HELLS: variants seen among roughly 807,000 people sequenced by gnomAD.
HELLS encodes the protein lymphoid-specific helicase.
In HELLS, 32 loss-of-function variants were observed where a neutral mutation model predicts 120.0. That is an observed-to-expected ratio of 0.27 (90% CI 0.20 to 0.36). HELLS has a LOEUF of 0.36. Ranked by LOEUF, HELLS falls within the 10% of genes least tolerant of loss-of-function variation. The pLI, the probability that HELLS is intolerant of heterozygous loss-of-function variation, is 1.00. For synonymous variants in HELLS, 341 were observed against 323.4 expected (o/e 1.05, Z -0.58); for missense variants, 650 against 993.4 (o/e 0.65, Z 4.65).
At chr10:94,583,695 TTCTG>T (rs745884195) in intron 12 of HELLS, among the ~76,000 whole-genome samples, 9 of 152,194 alleles carry the variant, frequency 5.9e-5, no homozygotes, top group East Asian at 1.9e-4. Context: ...CCAAACTCTT[TTCTG>T]TCTTTGTGTA....
At chr10:94,602,221 A>G (rs1311001683), downstream of HELLS, 1 of 152,112 alleles carries the variant, frequency 6.6e-6, no homozygotes, top group African/African-American at 2.4e-5. Flanking sequence ...GGAGTGTGTC[A>G]TATAGAGATT....
chr10:94,592,981 A>G (rs1845564883), intron 17 of HELLS, among the ~76,000 whole-genome samples: 1 of 152,216 alleles, frequency 6.6e-6, no homozygotes, highest in African/African-American at 2.4e-5. Flanking sequence ...GCATTTAAAA[A>G]TAAAATATAG....
chr10:94,564,991 A>G (rs908634965), intron 6 of HELLS, among the ~76,000 whole-genome samples: 2 of 152,208 alleles, frequency 1.3e-5, no homozygotes, highest in Non-Finnish European at 2.9e-5. Flanking sequence ...AAAAATTTAC[A>G]TAATAGTTTT....
chr10:94,587,364 G>A (rs1236560377), intron 12 of HELLS, among the ~76,000 whole-genome samples: 1 of 152,098 alleles, frequency 6.6e-6, no homozygotes. Context: ...CATGGAGAAT[G>A]GGGTATCCAT....
chr10:94,582,337 G>A (rs1844912118), intron 11 of HELLS, among the ~76,000 whole-genome samples: 1 of 152,202 alleles, frequency 6.6e-6, no homozygotes, highest in African/African-American at 2.4e-5. Flanking sequence ...CAAGGTAGGA[G>A]TTGAGAATCT....
chr10:94,574,367 G>T, intron 8 of HELLS, 180 bp downstream of exon 8: 1 of 689,134 alleles, frequency 1.5e-6, no homozygotes, highest in South Asian at 2.0e-5. Context: ...CCTTGTTAAT[G>T]GCTTCCAGCA....
chr10:94,586,656 A>G (rs1845166709), intron 12 of HELLS, among the ~76,000 whole-genome samples: 1 of 152,118 alleles, frequency 6.6e-6, no homozygotes, highest in African/African-American at 2.4e-5. Flanking sequence ...TGGCAGGGGT[A>G]TAAAGAGTAT....
At chr10:94,603,354 A>G (rs1846087786), downstream of HELLS, among the ~76,000 whole-genome samples, 2 of 152,160 alleles carry the variant, frequency 1.3e-5, no homozygotes, top group Non-Finnish European at 1.5e-5. Context: ...GCAGCATTTC[A>G]TACAGTTGTT....
chr10:94,581,710 T>G (rs373363524), intron 11 of HELLS, among the ~76,000 whole-genome samples, 188 bp downstream of exon 11: 4 of 152,346 alleles, frequency 2.6e-5, no homozygotes, highest in East Asian at 3.9e-4. Context: ...AAAACTTACT[T>G]GCATTGATTA....
rs1589722893 is a variant in HELLS at position 94,567,874 on chromosome 10, A to G, written c.436-3514A>G. 5.3e-5 allele frequency among the ~76,000 whole-genome samples: 8 copies of G among 149,688 alleles called. No individual in the cohort carries two copies. The South Asian group carries it at 1.7e-3, about 32-fold the overall frequency. ...CAGTGAGGTGAGATTGCGCCACTGC[A>G]CTGCAGCATGGGCAAGAGAATGAAA... On this transcript the variant is annotated intron_variant, in intron 6 of 21. Transcript: ENST00000348459.
At position 94,545,960 on chromosome 10, in the gene HELLS, A is replaced by T. The variant is rs1194525762; in HGVS notation, c.31+8A>T. 6.4e-7 allele frequency: 1 copy of T among 1,556,114 alleles called. No homozygotes were observed. The highest frequency in any genetic ancestry group is 8.7e-7 in the Non-Finnish European group (1 of 1,149,208). ...GGCCCGCGGGCAGCGGCGGTGAGTG[A>T]GGAAAACCTTTTGGGCGCGGGTGGC... On this transcript the variant is annotated splice_region_variant and intron_variant, in intron 1 of 21. Transcript: ENST00000348459.
intron 10 of HELLS, among the ~76,000 whole-genome samples, chr10:94,580,272 TC>T: frequency 6.8e-6 from 1 of 146,948 alleles, no homozygotes; most frequent in East Asian, 2.0e-4. Flanking sequence ...GCAACCTGTC[TC>T]CCGGGCTCAA....
chr10:94,582,844 G>A (rs1844942110), intron 11 of HELLS, 119 bp from the exon 12 acceptor site: 1 of 545,404 alleles, frequency 1.8e-6, no homozygotes, highest in African/African-American at 1.9e-5. Context: ...TGCACCTAAG[G>A]ATTTGATGCA....
chr10:94,585,696 T>TC (rs1469350829), intron 12 of HELLS, among the ~76,000 whole-genome samples: 7 of 151,772 alleles, frequency 4.6e-5, no homozygotes, highest in African/African-American at 1.7e-4. Context: ...CAGATTTTTT[T>TC]TTTTTTTTTT....
Position 94,545,789 on chromosome 10 carries a change from A to T in HELLS, c.-133A>T, listed in dbSNP as rs1020666734. The T allele has an allele frequency of 1.1e-4, 111 of 993,566 alleles. 2 individuals are homozygous for T. In the South Asian group the frequency reaches 1.3e-3, roughly 12 times the overall value. 61.5% of individuals were successfully genotyped at this position (993,566 alleles called of 1,614,324 possible). On this transcript the variant is annotated 5_prime_UTR_variant, in exon 1 of 22. Coordinates refer to ENST00000348459, the MANE Select transcript of HELLS (RefSeq NM_018063.5). ...CGCGAGATGACAGGATTTTCCCGCG[A>T]AGGAGAAGCGCGCTTTTTTCCCTGG...
chr10:94,560,093 C>T (rs374174099), intron 4 of HELLS, among the ~76,000 whole-genome samples: 36 of 152,046 alleles, frequency 2.4e-4, no homozygotes, highest in African/African-American at 7.0e-4. Context: ...GATGCAGTGG[C>T]GTGATTTCGG....
intron 12 of HELLS, 69 bp downstream of exon 12, chr10:94,583,128 C>T: frequency 1.4e-6 from 1 of 714,346 alleles, no homozygotes; most frequent in Non-Finnish European, 2.3e-6. Context: ...CTGGAGATCA[C>T]CTGTCTAACC....
intron 3 of HELLS, among the ~76,000 whole-genome samples, chr10:94,556,340 C>CT (rs771377422): frequency 6.6e-6 from 1 of 152,076 alleles, no homozygotes; most frequent in Non-Finnish European, 1.5e-5. Context: ...CATATGCACT[C>CT]TTTGTCTTGT....
intron 11 of HELLS, among the ~76,000 whole-genome samples, chr10:94,582,283 GAC>G (rs551905723): frequency 1.5e-3 from 227 of 152,274 alleles, no homozygotes; most frequent in African/African-American, 5.3e-3. Context: ...TTTATTGAAA[GAC>G]AAGAATTCCA....
Sources: gnomAD v4.1 joint callset for allele counts (sites outside exome capture counted in the v4.1 genomes callset) on GRCh38, gnomAD v4.1.1 for gene constraint, MANE v1.5 for transcripts, NCBI Gene and HGNC (gene_info 2026-07-23, HGNC 2026-07-21) for gene names.